ATP6V1C1: variants seen among roughly 807,000 people sequenced by gnomAD.
ATP6V1C1 encodes V-type proton ATPase subunit C 1.
ATP6V1C1 carries 45 observed loss-of-function variants against 53.9 expected under a neutral mutation model. The ratio of observed to expected loss-of-function variants is 0.83; its 90% CI spans 0.66 to 1.07. The LOEUF (loss-of-function observed/expected upper bound fraction) is 1.07, where lower values mean the gene tolerates loss of function less well. ATP6V1C1 is among the 50% of genes least tolerant of loss of function. The probability of loss-of-function intolerance (pLI) is 0.00; values close to 1 mark genes in which losing one functional copy is unlikely to be tolerated. For synonymous variants in ATP6V1C1, 153 were observed against 155.2 expected (o/e 0.99, Z 0.11); for missense variants, 315 against 440.3 (o/e 0.72, Z 2.55).
At chr8:103,059,723 C>T (rs1417949088) in intron 8 of ATP6V1C1, among the ~76,000 whole-genome samples, 1 of 152,038 alleles carries the variant, frequency 6.6e-6, no homozygotes, top group Non-Finnish European at 1.5e-5. Flanking sequence ...CATCCCTTGC[C>T]TGGACCATGG....
chr8:103,027,762 T>C (rs1441144731), intron 1 of ATP6V1C1, among the ~76,000 whole-genome samples: 2 of 151,980 alleles, frequency 1.3e-5, no homozygotes, highest in Non-Finnish European at 2.9e-5. Flanking sequence ...CCTACAGAAT[T>C]GACTAGTGTT....
chr8:103,059,888 ACACACACACC>A (rs965575080), intron 8 of ATP6V1C1, among the ~76,000 whole-genome samples: 12 of 65,244 alleles, frequency 1.8e-4, no homozygotes, highest in Non-Finnish European at 1.6e-4. Flanking sequence ...GCACACACAC[ACACACACACC>A]CACACACCCA....
At chr8:103,065,801 T>C (rs1435264282) in intron 11 of ATP6V1C1, among the ~76,000 whole-genome samples, 1 of 152,150 alleles carries the variant, frequency 6.6e-6, no homozygotes, top group Non-Finnish European at 1.5e-5. Flanking sequence ...CCCAGCACTT[T>C]GGGAGGCCAA....
intron 2 of ATP6V1C1, 28 bp from the exon 3 acceptor site, chr8:103,042,312 C>G (rs577318073): frequency 2.5e-6 from 4 of 1,600,842 alleles, no homozygotes; most frequent in African/African-American, 1.3e-5. Flanking sequence ...AAGCATGCCA[C>G]CTAAATAACA....
chr8:103,033,312 G>T (rs1211025407), intron 1 of ATP6V1C1, among the ~76,000 whole-genome samples: 1 of 152,142 alleles, frequency 6.6e-6, no homozygotes, highest in Non-Finnish European at 1.5e-5. Context: ...TACAATGGGT[G>T]CATTTAATTC....
At position 103,057,830 on chromosome 8, in the gene ATP6V1C1, GT is replaced by G. The variant is rs963146998; in HGVS notation, c.641+1904del. Among the ~76,000 whole-genome samples the G allele has an allele frequency of 1.5e-3, 220 of 148,780 alleles. 1 individual carries two copies. The highest frequency in any genetic ancestry group is 4.7e-3 in the African/African-American group (189 of 40,534). ...CAACAAACTTGTGCTCATCATGAAT[GT>G]TTTTTTTTTCATTTGGAGGAATATC... On this transcript the variant is annotated intron_variant, in intron 8 of 12. Coordinates refer to ENST00000518738, the MANE Select transcript of ATP6V1C1 (RefSeq NM_001695.5).
At chr8:103,054,015 T>C in intron 7 of ATP6V1C1, 33 bp downstream of exon 7, 2 of 1,526,092 alleles carry the variant, frequency 1.3e-6, no homozygotes, top group Non-Finnish European at 1.8e-6. Flanking sequence ...GTTTTACTTG[T>C]TAAAATACAA....
intron 8 of ATP6V1C1, among the ~76,000 whole-genome samples, chr8:103,057,338 T>C (rs1166227395): frequency 1.3e-5 from 2 of 152,168 alleles, no homozygotes; most frequent in Non-Finnish European, 2.9e-5. Flanking sequence ...CCTGTGCAAA[T>C]ATCTGATTGG....
intron 6 of ATP6V1C1, among the ~76,000 whole-genome samples, chr8:103,053,673 A>G (rs1817239341): frequency 1.3e-5 from 2 of 152,004 alleles, no homozygotes; most frequent in African/African-American, 4.8e-5. Context: ...ACAAAACACT[A>G]GAGGCAAATT....
intron 4 of ATP6V1C1, among the ~76,000 whole-genome samples, chr8:103,049,991 A>T (rs1301432395): frequency 6.6e-6 from 1 of 152,064 alleles, no homozygotes; most frequent in African/African-American, 2.4e-5. Context: ...ACCCTTTATA[A>T]CCTTTTCCTT....
rs1816848071 is a variant in ATP6V1C1, at chr8:103,034,123, GA to G, written c.-39-6673del. ...CAGAAAGTGTCCAGCATCTAGACTAGAATTGCCTCAACTGTAGAGATCATCA... is the reference window on the plus strand; with the variant it reads ...CAGAAAGTGTCCAGCATCTAGACTAGATTGCCTCAACTGTAGAGATCATCA... On this transcript the variant is annotated intron_variant, in intron 1 of 12. Coordinates refer to ENST00000518738, the MANE Select transcript of ATP6V1C1 (RefSeq NM_001695.5). 3.3e-5 allele frequency among the ~76,000 whole-genome samples: 5 copies of G among 152,192 alleles called. No individual in the cohort carries two copies. The East Asian group carries it at 9.6e-4, about 29-fold the overall frequency.
chr8:103,051,038 C>G lies in ATP6V1C1; in HGVS notation c.287-12C>G, dbSNP rs773254076. On this transcript the variant is annotated splice_polypyrimidine_tract_variant and intron_variant, in intron 4 of 12. Transcript: ENST00000518738. Reference sequence around the variant, plus strand: ...GTTTTTCTTCAGTAATTAATTTATTCCCTTATTTCAGTGGACTTGGTTACT... The same window carrying G: ...GTTTTTCTTCAGTAATTAATTTATTGCCTTATTTCAGTGGACTTGGTTACT... The G allele has an allele frequency of 6.5e-7, 1 of 1,537,668 alleles. No individual in the cohort carries two copies. Among genetic ancestry groups the G allele is most frequent in the Non-Finnish European group, 9.0e-7 (1 of 1,114,538 alleles).
chr8:103,067,634 T>G (rs372624480), intron 12 of ATP6V1C1, among the ~76,000 whole-genome samples: 3 of 145,730 alleles, frequency 2.1e-5, no homozygotes, highest in African/African-American at 7.6e-5. Flanking sequence ...GGAGTTTCGC[T>G]CTTTTGCCCA....
intron 12 of ATP6V1C1, among the ~76,000 whole-genome samples, chr8:103,067,262 G>C (rs1157589555): frequency 2.0e-5 from 3 of 151,890 alleles, no homozygotes; most frequent in Non-Finnish European, 2.9e-5. Flanking sequence ...AGCTGGGCGT[G>C]GCAGCGGTCA....
chr8:103,041,392 C>G (rs1056255527), intron 2 of ATP6V1C1, among the ~76,000 whole-genome samples: 5 of 152,100 alleles, frequency 3.3e-5, no homozygotes, highest in Non-Finnish European at 7.3e-5. Flanking sequence ...TTATTTAATC[C>G]GGTTAATCTA....
At chr8:103,065,414 T>C (rs906212216) in intron 11 of ATP6V1C1, among the ~76,000 whole-genome samples, 2 of 152,028 alleles carry the variant, frequency 1.3e-5, no homozygotes, top group Non-Finnish European at 1.5e-5. Context: ...ATTAGCCAAG[T>C]GTGGTGGCAC....
At chr8:103,035,880 G>C (rs1035887188) in intron 1 of ATP6V1C1, among the ~76,000 whole-genome samples, 1 of 152,146 alleles carries the variant, frequency 6.6e-6, no homozygotes, top group African/African-American at 2.4e-5. Context: ...TTTTGTGTGT[G>C]TGTCCTTTCG....
chr8:103,043,071 T>C (rs2131390111), intron 3 of ATP6V1C1, among the ~76,000 whole-genome samples: 1 of 152,288 alleles, frequency 6.6e-6, no homozygotes, highest in Admixed American at 6.5e-5. Context: ...GTGTAGAAGT[T>C]TGTGTTCTTA....
intron 1 of ATP6V1C1, among the ~76,000 whole-genome samples, chr8:103,039,727 T>G (rs1816961288): frequency 6.6e-6 from 1 of 151,978 alleles, no homozygotes; most frequent in Admixed American, 6.6e-5. Flanking sequence ...TCTGTGTGTG[T>G]GGGAAGGGGA....
Sources: allele counts gnomAD v4.1 joint callset (sites outside exome capture counted in the v4.1 genomes callset), GRCh38; gene constraint gnomAD v4.1.1; transcripts MANE v1.5; gene names NCBI Gene and HGNC (gene_info 2026-07-23, HGNC 2026-07-21).